EEF2: variants seen among roughly 807,000 people sequenced by gnomAD.
EEF2 encodes elongation factor 2.
A neutral mutation model predicts 85.3 loss-of-function variants in EEF2; 21 were observed. That is an observed-to-expected ratio of 0.25 (90% CI 0.17 to 0.35). The LOEUF is 0.35. Among genes scored for constraint, EEF2 ranks in the 10% least tolerant of loss-of-function variants. EEF2 has a pLI of 1.00. For synonymous variants in EEF2, 723 were observed against 508.8 expected, an observed-to-expected ratio of 1.42 and a Z score of -5.67; for missense variants, 825 against 1,225.3, an observed-to-expected ratio of 0.67 and a Z score of 4.88.
At position 3,977,978 on chromosome 19, in the gene EEF2, G is replaced by C. The variant is rs139427550; in HGVS notation, c.1908C>G (p.Ala636=). ...CAGCCACGTCCCACTCGTACTTCTC[G>C]GCCAGGTAGCGCGCCCGCTGCTTGA... ...QELKQRARYL[A]EKYEWDVAEA... Residue 636 remains alanine (A), a synonymous_variant, in exon 12 of 15, where the codon GCC becomes GCG. Transcript: ENST00000309311. This position sits in a 1 kb window ranked among gnomAD's most constrained non-coding sequence, Gnocchi z 5.4. 5.4e-4 allele frequency: 875 copies of C among 1,613,038 alleles called. 3 individuals carry two copies. Among genetic ancestry groups the C allele is most frequent in the Middle Eastern group, 3.5e-3 (21 of 6,060 alleles).
At chr19:3,984,077 G>A (rs912939506) in intron 2 of EEF2, 59 bp downstream of exon 2, 4 of 1,585,824 alleles carry the variant, frequency 2.5e-6, no homozygotes, top group Non-Finnish European at 2.6e-6. Context: ...TGGCCCAGTG[G>A]CCTCCAGCTG....
At position 3,984,281 on chromosome 19, in the gene EEF2, T is replaced by C; in HGVS notation, c.73A>G (p.Ile25Val). Residue 25 changes from isoleucine (I) to valine (V), a missense_variant, in exon 2 of 15, where the codon ATC (isoleucine) becomes GTC (valine). Coordinates refer to ENST00000309311, the MANE Select transcript of EEF2 (RefSeq NM_001961.4). ...KKANIRNMSV[I>V]AHVDHGKSTL... is the part of the protein sequence containing the mutation. ...GACTTGCCATGGTCCACGTGGGCGA[T>C]GACAGACATGTTGCGGATGTTGGCC... 6.2e-7 allele frequency: 1 copy of C among 1,614,218 alleles called. No individual in the cohort carries two copies. Among genetic ancestry groups the C allele is most frequent in the Non-Finnish European group, 8.5e-7 (1 of 1,180,034 alleles).
chr19:3,984,481 C>T, intron 1 of EEF2, 131 bp from the exon 2 acceptor site: 1 of 923,166 alleles, frequency 1.1e-6, no homozygotes, highest in Non-Finnish European at 1.7e-6. Flanking sequence ...CCCAAGCCCA[C>T]CGAATCTTGC....
chr19:3,981,192 C>G (rs2039741484), intron 7 of EEF2, 147 bp downstream of exon 7: 1 of 1,041,330 alleles, frequency 9.6e-7, no homozygotes, highest in South Asian at 1.5e-5. Flanking sequence ...TGGGATGTGT[C>G]TCCAGCAGCA....
chr19:3,981,833 G>A (rs552713680), intron 6 of EEF2, 114 bp downstream of exon 6: 129 of 929,906 alleles, frequency 1.4e-4, no homozygotes, highest in East Asian at 1.9e-4. Context: ...CTCCCATCTC[G>A]CATCTGCCCC....
Position 3,980,522 on chromosome 19 carries a change from T to C in EEF2, c.1338A>G (p.Pro446=), listed in dbSNP as rs750736837. 3 of 1,612,846 alleles carry C rather than the reference T, an allele frequency of 1.9e-6. No individual in the cohort carries two copies. The part of the protein sequence containing the change: ...PGKKEDLYLK[P]IQRTILMMGR... ...ATCACCCAGCTGCTCACCTCTGGAT[T>C]GGCTTCAGGTAGAGGTCCTCCTTCT... Residue 446 remains proline (P), a synonymous_variant, in exon 9 of 15, where the codon CCA becomes CCG. Transcript: ENST00000309311.
In EEF2 at chr19:3,977,409, G is replaced by A; in HGVS notation, c.2250+19C>T. ...GGGCAGGACGGTGGCAGGGTCAGCG[G>A]TGGGCGGGTAGACCTCACCTGGATC... On this transcript the variant is annotated intron_variant, in intron 13 of 14. Transcript: ENST00000309311. This position sits in a 1 kb window ranked among gnomAD's most constrained non-coding sequence, Gnocchi z 5.4. 1 of 1,587,318 alleles carries A rather than the reference G, an allele frequency of 6.3e-7. No homozygotes were observed. The highest frequency in any genetic ancestry group is 8.6e-7 in the Non-Finnish European group (1 of 1,166,182).
chr19:3,982,512 G>C, intron 4 of EEF2, 88 bp from the exon 5 acceptor site: 1 of 1,517,566 alleles, frequency 6.6e-7, no homozygotes. Flanking sequence ...ATGGGCCTCA[G>C]ACGCAGGCTT....
In EEF2 at chr19:3,980,872, G is replaced by A. The variant is rs775743666; in HGVS notation, c.1119C>T (p.Tyr373=). The A allele has an allele frequency of 1.2e-5, 18 of 1,563,366 alleles. No homozygotes were observed. The highest frequency in any genetic ancestry group is 7.1e-5 in the East Asian group (3 of 42,022). Residue 373 remains tyrosine (Y), a synonymous_variant, in exon 8 of 15, where the codon TAC becomes TAT. Coordinates refer to ENST00000309311, the MANE Select transcript of EEF2 (RefSeq NM_001961.4). ...CAGCCTCGTCGTCCGGGGGCCCCTC[G>A]TACAGGAGCTCGCAGCGGTACTTCT... ...TAQKYRCELL[Y]EGPPDDEAAM... is the part of the protein sequence containing the mutation.
rs1020311160 is a variant in EEF2 at position 3,977,154 on chromosome 19, G to A, written c.2383+61C>T. 3 of 1,586,506 alleles carry A rather than the reference G, an allele frequency of 1.9e-6. No individual in the cohort carries two copies. In the African/African-American group the frequency reaches 4.0e-5, roughly 21 times the overall value. On this transcript the variant is annotated intron_variant, in intron 14 of 14. Transcript: ENST00000309311. This position sits in a 1 kb window ranked among gnomAD's most constrained non-coding sequence, Gnocchi z 5.4. Reference sequence around the variant, plus strand: ...CTTTAACACCTTGCTAAGCTTAACTGGGCTTCTGTCCCCCAAACCAGCCTG... The same window carrying A: ...CTTTAACACCTTGCTAAGCTTAACTAGGCTTCTGTCCCCCAAACCAGCCTG...
At position 3,981,427 on chromosome 19, in the gene EEF2, T is replaced by C; in HGVS notation, c.923A>G (p.Lys308Arg). ...TATCAGTTTTGCTGTCTCCTCTTTC[T>C]TGAAATTCATGATCGCATCAAACAC... ...FKVFDAIMNF[K>R]KEETAKLIEK... The change falls in exon 7 of 15, where the codon AAG (lysine) becomes AGG (arginine). Residue 308 changes from lysine (K) to arginine (R), a missense_variant. Coordinates refer to ENST00000309311, the MANE Select transcript of EEF2 (RefSeq NM_001961.4). 6.2e-7 allele frequency: 1 copy of C among 1,614,140 alleles called. No individual in the cohort carries two copies. Among genetic ancestry groups the C allele is most frequent in the Non-Finnish European group, 8.5e-7 (1 of 1,180,016 alleles).
At chr19:3,984,770 CG>C (rs1393961918) in intron 1 of EEF2, 5 of 196,916 alleles carry the variant, frequency 2.5e-5, no homozygotes, top group Non-Finnish European at 5.3e-5. Context: ...CCTTGGCAAA[CG>C]GGATCAGACA....
In EEF2 at chr19:3,980,060, G is replaced by C. The variant is rs1372164303; in HGVS notation, c.1353C>G (p.Ile451Met). 1.2e-6 allele frequency: 2 copies of C among 1,612,630 alleles called. No individual in the cohort carries two copies. Among genetic ancestry groups the C allele is most frequent in the Non-Finnish European group, 1.7e-6 (2 of 1,179,686 alleles). ...GCTCCACGTAGCGGCCCATCATCAA[G>C]ATTGTTCTGGAAGAAGCAGAAGGCG... ...DLYLKPIQRT[I>M]LMMGRYVEPI... Residue 451 changes from isoleucine (I) to methionine (M), a missense_variant, in exon 10 of 15, where the codon ATC becomes ATG. Ile to Met is a conservative substitution (Grantham distance 10). Transcript: ENST00000309311.
chr19:3,976,795 G>A (rs770313211), intron 14 of EEF2, 48 bp from the exon 15 acceptor site: 41 of 1,474,114 alleles, frequency 2.8e-5, no homozygotes, highest in Non-Finnish European at 3.3e-5. Context: ...AAGGTGGCAG[G>A]GCAGAAGGAA....
intron 10 of EEF2, among the ~76,000 whole-genome samples, 167 bp downstream of exon 10, chr19:3,979,641 G>C (rs1007336573): frequency 6.6e-6 from 1 of 152,234 alleles, no homozygotes; most frequent in African/African-American, 2.4e-5. Flanking sequence ...GGAGAGGGTG[G>C]TGGCTGCCTG....
In EEF2 at chr19:3,982,800, G is replaced by A. The variant is rs551860516; in HGVS notation, c.612+7C>T. On this transcript the variant is annotated splice_region_variant and intron_variant, in intron 4 of 14. Transcript: ENST00000309311. ...CAAGCCCACCACCCAGCTAGGGAGG[G>A]CCGTACCATGATGTTGCCCATGGGG... The A allele has an allele frequency of 3.1e-6, 5 of 1,606,754 alleles. No homozygotes were observed. The highest frequency in any genetic ancestry group is 1.3e-5 in the African/African-American group (1 of 74,798).
chr19:3,985,185 C>T (rs2039804479), intron 1 of EEF2, 193 bp downstream of exon 1: 1 of 560,938 alleles, frequency 1.8e-6, no homozygotes, highest in South Asian at 6.7e-5. Context: ...CCCTCGGAAA[C>T]GGAGAAAGGG....
intron 10 of EEF2, 122 bp downstream of exon 10, chr19:3,979,686 C>A: frequency 7.0e-7 from 1 of 1,436,464 alleles, no homozygotes; most frequent in Non-Finnish European, 9.4e-7. Flanking sequence ...CAGCCAAGAA[C>A]CCCTCCTTTC....
rs188533497 is a variant in EEF2 at position 3,982,460 on chromosome 19, C to T, written c.613-36G>A. 4.5e-4 allele frequency: 734 copies of T among 1,613,242 alleles called. 6 individuals carry two copies. In the East Asian group the frequency reaches 0.013, roughly 29 times the overall value. ...GAGAAACGAGAAGCAGCCGTGAGGGCCCCTGCGCAGAGCCTGAAGCTACGG... is the reference window on the plus strand; with the variant it reads ...GAGAAACGAGAAGCAGCCGTGAGGGTCCCTGCGCAGAGCCTGAAGCTACGG... On this transcript the variant is annotated intron_variant, in intron 4 of 14. Transcript: ENST00000309311.
Sources: gnomAD v4.1 joint callset for allele counts (sites outside exome capture counted in the v4.1 genomes callset) on GRCh38, gnomAD v4.1.1 for gene constraint, Gnocchi (gnomAD v3.1) non-coding constraint, MANE v1.5 for transcripts, NCBI Gene and HGNC (gene_info 2026-07-23, HGNC 2026-07-21) for gene names.